The following CDH13 variants were observed in gnomAD, a reference collection of about 807,000 sequenced individuals.
CDH13 encodes cadherin 13.
In CDH13, 24 loss-of-function variants were observed where a neutral mutation model predicts 63.8. The ratio of observed to expected loss-of-function variants is 0.38; its 90% confidence interval spans 0.27 to 0.53. The LOEUF is 0.53. Ranked by LOEUF, CDH13 falls within the 20% of genes least tolerant of loss-of-function variation. The pLI, the probability that CDH13 is intolerant of heterozygous loss-of-function variation, is 0.85. For synonymous variants in CDH13, 503 were observed against 355.3 expected (o/e 1.42, Z -4.67); for missense variants, 1,049 against 903.1 (o/e 1.16, Z -2.07).
At chr16:83,484,526 T>C (rs778375424) in intron 6 of CDH13, among the ~76,000 whole-genome samples, 1 of 152,266 alleles carries the variant, frequency 6.6e-6, no homozygotes, top group Non-Finnish European at 1.5e-5. Context: ...GGCATGTTTT[T>C]GTTGGTGCTT....
intron 1 of CDH13, among the ~76,000 whole-genome samples, chr16:82,655,491 G>A (rs781253902): frequency 1.1e-4 from 17 of 152,236 alleles, no homozygotes; most frequent in Non-Finnish European, 1.8e-4. Context: ...TGAGGCTACC[G>A]CAGTGTCGGG....
At chr16:83,470,085 G>A (rs977130235) in intron 6 of CDH13, among the ~76,000 whole-genome samples, 3 of 152,114 alleles carry the variant, frequency 2.0e-5, no homozygotes, top group African/African-American at 7.2e-5. Context: ...AGCTCTCCTG[G>A]GCTCTTAGTT....
At chr16:83,100,960 G>C (rs2034446502) in intron 3 of CDH13, among the ~76,000 whole-genome samples, 2 of 152,076 alleles carry the variant, frequency 1.3e-5, no homozygotes, top group South Asian at 4.1e-4. Context: ...GTGAATCATG[G>C]ATGATTGAAT....
intron 1 of CDH13, among the ~76,000 whole-genome samples, chr16:82,675,479 A>C (rs1913788305): frequency 6.6e-6 from 1 of 152,150 alleles, no homozygotes; most frequent in South Asian, 2.1e-4. Context: ...ATTACCAAGG[A>C]ATTAAGGTAT....
rs190230606 is a variant in CDH13, at chr16:82,772,255, A to G, written c.46-86107A>G. ...CCCTTCCCTCCACCCAGAAGTGTTC[A>G]GTAAATATTTACTGGCATACTACCG... On this transcript the variant is annotated intron_variant, in intron 1 of 13. Coordinates refer to ENST00000567109, the MANE Select transcript of CDH13 (RefSeq NM_001257.5). Among the ~76,000 whole-genome samples the G allele has an allele frequency of 1.9e-4, 29 of 152,290 alleles. 1 individual carries two copies. In the Middle Eastern group the frequency reaches 0.014, roughly 71 times the overall value.
chr16:82,679,878 A>G (rs1233623098), intron 1 of CDH13, among the ~76,000 whole-genome samples: 2 of 152,222 alleles, frequency 1.3e-5, no homozygotes, highest in Non-Finnish European at 2.9e-5. Context: ...TAAAGAAGGA[A>G]CCCTATCTCA....
At position 83,794,713 on chromosome 16, in the gene CDH13, G is replaced by T. The variant is rs531529822; in HGVS notation, c.2135-310G>T. Reference sequence around the variant, plus strand: ...AGATACATAGCATGCTCATAAAATAGCCAAGCTCTGTGCTGAGAGACAAAG... The same window carrying T: ...AGATACATAGCATGCTCATAAAATATCCAAGCTCTGTGCTGAGAGACAAAG... On this transcript the variant is annotated intron_variant, in intron 13 of 13. Transcript: ENST00000567109. Among the ~76,000 whole-genome samples, 10 of 151,996 alleles carry T rather than the reference G, an allele frequency of 6.6e-5. No homozygotes were observed. In the East Asian group the frequency reaches 1.9e-3, roughly 29 times the overall value.
intron 2 of CDH13, among the ~76,000 whole-genome samples, chr16:82,968,689 T>C (rs1229375360): frequency 6.6e-6 from 1 of 152,208 alleles, no homozygotes; most frequent in African/African-American, 2.4e-5. Context: ...ATTATTCTCT[T>C]CTTGGCAGCT....
At chr16:83,307,714 C>T (rs939768151) in intron 5 of CDH13, among the ~76,000 whole-genome samples, 3 of 152,084 alleles carry the variant, frequency 2.0e-5, no homozygotes, top group African/African-American at 7.2e-5. Context: ...GATAACACAC[C>T]ACCTGTGCCT....
intron 8 of CDH13, among the ~76,000 whole-genome samples, chr16:83,626,170 C>T (rs1371199519): frequency 6.6e-6 from 1 of 152,066 alleles, no homozygotes; most frequent in Non-Finnish European, 1.5e-5. Flanking sequence ...GCTTCTTATT[C>T]CTGAGCTTTT....
intron 3 of CDH13, among the ~76,000 whole-genome samples, chr16:83,106,311 A>T (rs13329937): frequency 6.6e-6 from 1 of 152,092 alleles, no homozygotes; most frequent in African/African-American, 2.4e-5. Context: ...AGGCCAAGGC[A>T]AGTGGATCAT....
intron 1 of CDH13, among the ~76,000 whole-genome samples, chr16:82,856,693 CAAAAAAAAA>C (rs56106728): frequency 2.8e-4 from 14 of 49,556 alleles, no homozygotes; most frequent in Admixed American, 3.9e-4. Flanking sequence ...GACTCGGTCT[CAAAAAAAAA>C]AAAAAAAAAA....
chr16:83,007,238 A>G (rs1257700608), intron 2 of CDH13, among the ~76,000 whole-genome samples: 1 of 152,180 alleles, frequency 6.6e-6, no homozygotes, highest in East Asian at 1.9e-4. Context: ...CTTAAATTCT[A>G]ATCATAGTGA....
intron 5 of CDH13, among the ~76,000 whole-genome samples, chr16:83,221,661 G>C (rs530707773): frequency 2.1e-5 from 3 of 146,118 alleles, no homozygotes; most frequent in Admixed American, 6.7e-5. Flanking sequence ...GGAAGACGGT[G>C]GGGGGGCGGT....
intron 3 of CDH13, among the ~76,000 whole-genome samples, chr16:83,122,523 C>A (rs56333813): frequency 2.2e-4 from 33 of 152,294 alleles, no homozygotes; most frequent in African/African-American, 7.5e-4. Flanking sequence ...AGTTGCCCCA[C>A]TGATCATATA....
chr16:83,448,850 A>G (rs1392487871), intron 6 of CDH13, among the ~76,000 whole-genome samples: 1 of 152,200 alleles, frequency 6.6e-6, no homozygotes, highest in East Asian at 1.9e-4. Flanking sequence ...GACTCCAAGA[A>G]GTTTCTGAGC....
At chr16:82,963,178 C>G (rs904499372) in intron 2 of CDH13, among the ~76,000 whole-genome samples, 3 of 149,952 alleles carry the variant, frequency 2.0e-5, no homozygotes, top group Non-Finnish European at 4.4e-5. Flanking sequence ...GAAGACCAGC[C>G]TGGCCAACAT....
At chr16:83,647,222 A>G (rs1911911251) in intron 8 of CDH13, among the ~76,000 whole-genome samples, 1 of 151,596 alleles carries the variant, frequency 6.6e-6, no homozygotes, top group Non-Finnish European at 1.5e-5. Flanking sequence ...AGGCAGGAGA[A>G]TGGCATGAAC....
intron 3 of CDH13, among the ~76,000 whole-genome samples, chr16:83,121,132 T>C (rs1262868927): frequency 6.6e-6 from 1 of 152,198 alleles, no homozygotes; most frequent in Admixed American, 6.5e-5. Context: ...TGTTATATTA[T>C]TCTTGCTTTT....
Sources: allele counts gnomAD v4.1 joint callset (sites outside exome capture counted in the v4.1 genomes callset), GRCh38; gene constraint gnomAD v4.1.1; transcripts MANE v1.5; gene names NCBI Gene and HGNC (gene_info 2026-07-23, HGNC 2026-07-21).